The following MYOF variants were observed in gnomAD, a reference collection of about 807,000 sequenced individuals.
The protein encoded by MYOF is fer-1-like 3, myoferlin.
In MYOF, 244 loss-of-function variants were observed where a neutral mutation model predicts 284.2. The ratio of observed to expected loss-of-function variants is 0.86; its 90% CI spans 0.77 to 0.95. The LOEUF (loss-of-function observed/expected upper bound fraction) is 0.95, where lower values mean the gene tolerates loss of function less well. Ranked by LOEUF, MYOF falls within the 40% of genes least tolerant of loss-of-function variation. The pLI, the probability that MYOF is intolerant of heterozygous loss-of-function variation, is 0.00. For missense variants in MYOF, 2,496 were observed against 2,560.6 expected, an observed-to-expected ratio of 0.97 and a Z score of 0.54; for synonymous variants, 904 against 919.7, an observed-to-expected ratio of 0.98 and a Z score of 0.31.
intron 5 of MYOF, among the ~76,000 whole-genome samples, chr10:93,415,786 C>CT (rs1284761075): frequency 2.6e-5 from 4 of 152,292 alleles, no homozygotes; most frequent in African/African-American, 9.6e-5. Context: ...TTTATACGTT[C>CT]ATCGGTTTCC....
intron 51 of MYOF, among the ~76,000 whole-genome samples, chr10:93,311,605 A>G (rs1320540466): frequency 1.3e-5 from 2 of 149,780 alleles, no homozygotes; most frequent in Non-Finnish European, 3.0e-5. Flanking sequence ...AAAAAAAAAA[A>G]GCAACAAACC....
chr10:93,466,618 C>G (rs1215342661), intron 1 of MYOF, among the ~76,000 whole-genome samples: 1 of 152,184 alleles, frequency 6.6e-6, no homozygotes, highest in Non-Finnish European at 1.5e-5. Flanking sequence ...GGCCAGGCAC[C>G]TGGCTTGACT....
At chr10:93,357,356 A>G (rs1478610493) in intron 29 of MYOF, among the ~76,000 whole-genome samples, 1 of 152,244 alleles carries the variant, frequency 6.6e-6, no homozygotes, top group Non-Finnish European at 1.5e-5. Context: ...ATAACTAATA[A>G]CAAATTCGTG....
At chr10:93,311,463 A>AG (rs1326349161) in intron 51 of MYOF, among the ~76,000 whole-genome samples, 2 of 151,394 alleles carry the variant, frequency 1.3e-5, no homozygotes, top group African/African-American at 4.9e-5. Flanking sequence ...TACAAAAAAA[A>AG]AAAAAAAAAT....
intron 19 of MYOF, among the ~76,000 whole-genome samples, chr10:93,386,951 C>A (rs894187723): frequency 3.9e-5 from 6 of 152,040 alleles, no homozygotes; most frequent in East Asian, 3.9e-4. Flanking sequence ...GCATGGAGAA[C>A]CCAGTCCTGC....
chr10:93,309,002 T>A (rs1484239336), intron 53 of MYOF, among the ~76,000 whole-genome samples: 3 of 152,076 alleles, frequency 2.0e-5, no homozygotes, highest in Non-Finnish European at 2.9e-5. Flanking sequence ...ATGAGCCACC[T>A]CGCCCAGCTG....
intron 25 of MYOF, 102 bp from the exon 26 acceptor site, chr10:93,366,657 A>G: frequency 2.0e-6 from 2 of 1,013,182 alleles, no homozygotes; most frequent in South Asian, 3.4e-5. Flanking sequence ...CTAGACAACT[A>G]CAGAAAGCAG....
In MYOF at chr10:93,370,314, A is replaced by ATTTTTTTTTTTTTTTTTTTTTTTTTT. The variant is rs916555324; in HGVS notation, c.2458-539_2458-538insAAAAAAAAAAAAAAAAAAAAAAAAAA. 8.2e-5 allele frequency among the ~76,000 whole-genome samples: 10 copies of ATTTTTTTTTTTTTTTTTTTTTTTTTT among 122,464 alleles called. 1 individual carries two copies. Among genetic ancestry groups the ATTTTTTTTTTTTTTTTTTTTTTTTTT allele is most frequent in the African/African-American group, 3.5e-4 (10 of 28,260 alleles). The allele number at this position is 122,464 out of a possible 152,430, so 80.3% of individuals were successfully genotyped here. On this transcript the variant is annotated intron_variant, in intron 24 of 53. Coordinates refer to ENST00000359263, the MANE Select transcript of MYOF (RefSeq NM_013451.4). Reference sequence around the variant, plus strand: ...GTTGATCAAGCAGTAATGATTACTAATTTTTTTTTTTTTTTTTTTTTGAGA... The same window carrying ATTTTTTTTTTTTTTTTTTTTTTTTTT: ...GTTGATCAAGCAGTAATGATTACTAATTTTTTTTTTTTTTTTTTTTTTTTTTTTTTTTTTTTTTTTTTTTTTTGAGA...
chr10:93,340,365 C>T, intron 38 of MYOF: 2 of 555,862 alleles, frequency 3.6e-6, no homozygotes, highest in Non-Finnish European at 6.4e-6. Context: ...ACCCACCTTA[C>T]TGGTTTCTTT....
intron 44 of MYOF, 57 bp downstream of exon 44, chr10:93,329,607 C>T: frequency 5.0e-6 from 8 of 1,597,870 alleles, no homozygotes; most frequent in Non-Finnish European, 6.0e-6. Context: ...CCTAGGCCTC[C>T]CCAGGTGCCA....
intron 43 of MYOF, among the ~76,000 whole-genome samples, chr10:93,331,275 C>A (rs1242075196): frequency 1.3e-5 from 2 of 152,250 alleles, no homozygotes; most frequent in South Asian, 4.1e-4. Context: ...AAGCTACCCC[C>A]TAAGACTGAG....
intron 5 of MYOF, among the ~76,000 whole-genome samples, chr10:93,419,402 A>C (rs1456996138): frequency 6.6e-6 from 1 of 151,580 alleles, no homozygotes; most frequent in African/African-American, 2.4e-5. Flanking sequence ...ACCTCAGGTG[A>C]TCCACCCACC....
chr10:93,361,970 A>G (rs1421660496), intron 27 of MYOF, among the ~76,000 whole-genome samples: 1 of 152,180 alleles, frequency 6.6e-6, no homozygotes, highest in East Asian at 1.9e-4. Flanking sequence ...TTGTTTTGAG[A>G]CAGAGCCTCG....
chr10:93,448,501 T>A (rs886160572), intron 3 of MYOF, among the ~76,000 whole-genome samples: 6 of 152,232 alleles, frequency 3.9e-5, no homozygotes, highest in Non-Finnish European at 7.3e-5. Context: ...TCCTTAAGTA[T>A]CGTAACCTTC....
chr10:93,455,341 G>A (rs2056719761), intron 2 of MYOF, among the ~76,000 whole-genome samples: 2 of 151,480 alleles, frequency 1.3e-5, no homozygotes, highest in South Asian at 4.2e-4. Context: ...AAACCCCCAA[G>A]GCATTAAAAA....
At chr10:93,414,798 T>C (rs138479025) in intron 5 of MYOF, among the ~76,000 whole-genome samples, 12 of 152,158 alleles carry the variant, frequency 7.9e-5, no homozygotes, top group African/African-American at 2.9e-4. Context: ...GGCTGGAGTG[T>C]AGTGGTACAA....
At chr10:93,340,854 G>C (rs565870763) in intron 38 of MYOF, among the ~76,000 whole-genome samples, 1 of 152,108 alleles carries the variant, frequency 6.6e-6, no homozygotes, top group African/African-American at 2.4e-5. Flanking sequence ...TGTGGTTCTG[G>C]TATCTGTTAG....
At position 93,333,961 on chromosome 10, in the gene MYOF, T is replaced by G. The variant is rs1371246022; in HGVS notation, c.4564-48A>C. 6 of 1,583,464 alleles carry G rather than the reference T, an allele frequency of 3.8e-6. No individual in the cohort carries two copies. In the African/African-American group the frequency reaches 8.1e-5, roughly 21 times the overall value. ...CTCACAGGGCCCTGGGTGGCCCAGG[T>G]AGAGGGCTCCTGGGAAGTCCCCTCC... On this transcript the variant is annotated intron_variant, in intron 41 of 53. Transcript: ENST00000359263.
intron 1 of MYOF, among the ~76,000 whole-genome samples, chr10:93,477,666 G>A (rs2057293766): frequency 6.6e-6 from 1 of 151,898 alleles, no homozygotes; most frequent in South Asian, 2.1e-4. Context: ...GACCAACATG[G>A]TGAAACCCTG....
Sources: allele counts gnomAD v4.1 joint callset (sites outside exome capture counted in the v4.1 genomes callset), GRCh38; gene constraint gnomAD v4.1.1; transcripts MANE v1.5; gene names NCBI Gene and HGNC (gene_info 2026-07-23, HGNC 2026-07-21).